VMP1: variants seen among roughly 807,000 people sequenced by gnomAD.
VMP1 encodes the protein vacuole membrane protein 1.
VMP1 carries 11 observed loss-of-function variants against 56.0 expected under a neutral mutation model. That is an observed-to-expected ratio of 0.20 (90% CI 0.12 to 0.32). The LOEUF (loss-of-function observed/expected upper bound fraction) is 0.32, where lower values mean the gene tolerates loss of function less well. VMP1 is among the 10% of genes least tolerant of loss of function. The probability of loss-of-function intolerance (pLI) is 1.00; values close to 1 mark genes in which losing one functional copy is unlikely to be tolerated. For missense variants in VMP1, 296 were observed against 490.3 expected (o/e 0.60, Z 3.74); for synonymous variants, 149 against 165.0 (o/e 0.90, Z 0.74).
chr17:59,806,899 T>C (rs999251538), intron 7 of VMP1, among the ~76,000 whole-genome samples: 14 of 152,216 alleles, frequency 9.2e-5, no homozygotes, highest in Admixed American at 5.2e-4. Context: ...AGTGTTTATA[T>C]TGACTGATCA....
intron 5 of VMP1, among the ~76,000 whole-genome samples, chr17:59,753,726 C>T (rs1001594506): frequency 4.6e-5 from 7 of 152,234 alleles, no homozygotes; most frequent in African/African-American, 1.2e-4. Context: ...AGAAGAAAAA[C>T]GATCGACAAT....
chr17:59,798,212 G>A (rs1032119476), intron 7 of VMP1, among the ~76,000 whole-genome samples: 4 of 152,064 alleles, frequency 2.6e-5, no homozygotes, highest in African/African-American at 4.8e-5. Flanking sequence ...TCTATACATC[G>A]AGAAATCCAC....
chr17:59,728,237 A>G (rs2034684088), intron 1 of VMP1, among the ~76,000 whole-genome samples: 1 of 152,224 alleles, frequency 6.6e-6, no homozygotes. Context: ...GGAATAAATT[A>G]GCACCAGCTA....
intron 7 of VMP1, among the ~76,000 whole-genome samples, chr17:59,795,531 G>C (rs1213786755): frequency 6.8e-6 from 1 of 146,440 alleles, no homozygotes; most frequent in East Asian, 2.0e-4. Context: ...AAAAACAATG[G>C]TCGGGCATGG....
chr17:59,835,615 C>G (rs1218486643), intron 10 of VMP1, among the ~76,000 whole-genome samples: 2 of 151,210 alleles, frequency 1.3e-5, no homozygotes, highest in African/African-American at 4.9e-5. Flanking sequence ...CTCAGCCTCA[C>G]TAGTAGTGGG....
chr17:59,774,219 T>C (rs544336653), intron 7 of VMP1, among the ~76,000 whole-genome samples: 1 of 152,308 alleles, frequency 6.6e-6, no homozygotes, highest in East Asian at 1.9e-4. Flanking sequence ...ACTGCTGCTC[T>C]GAGTCCAAAA....
intron 10 of VMP1, chr17:59,837,973 C>T: frequency 4.9e-6 from 1 of 204,520 alleles, no homozygotes; most frequent in Non-Finnish European, 9.9e-6. Flanking sequence ...ATCAGCTGAG[C>T]TGACCTTACT....
At position 59,798,594 on chromosome 17, in the gene VMP1, A is replaced by G. The variant is rs146069186; in HGVS notation, c.715-10202A>G. 3.5e-4 allele frequency among the ~76,000 whole-genome samples: 53 copies of G among 152,334 alleles called. 1 individual carries two copies. In the East Asian group the frequency reaches 0.01, roughly 29 times the overall value. On this transcript the variant is annotated intron_variant, in intron 7 of 11. Transcript: ENST00000262291. ...ACCATTTTATTCTGTTCATTAAAAC[A>G]CAAGATGTAAGGCCGGGCACGGTGG...
At position 59,841,254 on chromosome 17, in the gene VMP1, G is replaced by C; in HGVS notation, c.*1343G>C. On this transcript the variant is annotated 3_prime_UTR_variant, in exon 12 of 12. Coordinates refer to ENST00000262291, the MANE Select transcript of VMP1 (RefSeq NM_030938.5). The stretch of plus-strand genomic sequence containing the variant: ...TGCCTACCATCGTGACATCTCCATG[G>C]CTGTACCACCTTGTCGGGTAGCTTA... The C allele has an allele frequency of 2.0e-6, 1 of 498,826 alleles. No individual in the cohort carries two copies. The highest frequency in any genetic ancestry group is 4.3e-6 in the Non-Finnish European group (1 of 232,030). The allele number at this position is 498,826 out of a possible 1,614,324, so 30.9% of individuals were successfully genotyped here.
At chr17:59,817,508 C>G (rs1444151071) in intron 9 of VMP1, among the ~76,000 whole-genome samples, 1 of 151,840 alleles carries the variant, frequency 6.6e-6, no homozygotes, top group South Asian at 2.1e-4. Flanking sequence ...CATGTCACCA[C>G]CCCCAGCTAA....
intron 5 of VMP1, among the ~76,000 whole-genome samples, chr17:59,763,644 A>C (rs943258780): frequency 2.0e-5 from 3 of 152,136 alleles, no homozygotes; most frequent in African/African-American, 7.2e-5. Flanking sequence ...TATTATCTTG[A>C]TAGTAGAATG....
At chr17:59,820,884 A>G (rs2038417562) in intron 10 of VMP1, among the ~76,000 whole-genome samples, 1 of 151,890 alleles carries the variant, frequency 6.6e-6, no homozygotes, top group African/African-American at 2.4e-5. Flanking sequence ...TTATGAAATT[A>G]TATTATTTAT....
At chr17:59,759,104 A>G (rs1210768125) in intron 5 of VMP1, among the ~76,000 whole-genome samples, 1 of 152,152 alleles carries the variant, frequency 6.6e-6, no homozygotes, top group Non-Finnish European at 1.5e-5. Context: ...AACAACAACA[A>G]AATTAGTTGG....
intron 5 of VMP1, among the ~76,000 whole-genome samples, chr17:59,755,788 G>T (rs1465179657): frequency 6.6e-6 from 1 of 150,534 alleles, no homozygotes; most frequent in Non-Finnish European, 1.5e-5. Flanking sequence ...GCTCAGGCTG[G>T]AGTGCAGTGG....
At chr17:59,718,101 GT>G (rs2034238071) in intron 1 of VMP1, among the ~76,000 whole-genome samples, 1 of 142,894 alleles carries the variant, frequency 7.0e-6, no homozygotes, top group Non-Finnish European at 1.5e-5. Flanking sequence ...GATTCTGAAT[GT>G]TTTTAAATTG....
chr17:59,801,108 ATATATGTGTGTG>A (rs1470271697), intron 7 of VMP1, among the ~76,000 whole-genome samples: 1 of 127,066 alleles, frequency 7.9e-6, no homozygotes, highest in African/African-American at 4.0e-5. Flanking sequence ...ATATATATAT[ATATATGTGTGTG>A]TGTGTGTGTG....
Position 59,765,078 on chromosome 17 carries a change from T to G in VMP1, c.522T>G (p.Thr174=). The stretch of plus-strand genomic sequence containing the variant: ...TTATTTGTCCAGATGAAGAGGGCAC[T>G]GAAGGAACCATTTCTTTGTGGAGTA... The part of the protein sequence containing the change: ...DQIICPDEEG[T]EGTISLWSII... The change falls in exon 6 of 12, where the codon ACT becomes ACG. Residue 174 remains threonine (T), a synonymous_variant. Coordinates refer to ENST00000262291, the MANE Select transcript of VMP1 (RefSeq NM_030938.5). 2 of 1,614,144 alleles carry G rather than the reference T, an allele frequency of 1.2e-6. No individual in the cohort carries two copies. The highest frequency in any genetic ancestry group is 1.7e-6 in the Non-Finnish European group (2 of 1,179,996).
At chr17:59,830,343 A>C (rs1290727620) in intron 10 of VMP1, among the ~76,000 whole-genome samples, 1 of 152,154 alleles carries the variant, frequency 6.6e-6, no homozygotes, top group African/African-American at 2.4e-5. Context: ...GATTACAGTG[A>C]GCCACCAAGC....
chr17:59,830,378 T>C (rs2038769585), intron 10 of VMP1, among the ~76,000 whole-genome samples: 1 of 152,198 alleles, frequency 6.6e-6, no homozygotes, highest in South Asian at 2.1e-4. Flanking sequence ...TTTTTATAAG[T>C]ACCCTGACCT....
Sources: allele counts gnomAD v4.1 joint callset (sites outside exome capture counted in the v4.1 genomes callset), GRCh38; gene constraint gnomAD v4.1.1; transcripts MANE v1.5; gene names NCBI Gene and HGNC (gene_info 2026-07-23, HGNC 2026-07-21).